Variants in CYP4F12 observed in about 807,000 individuals in gnomAD.
CYP4F12 encodes the protein cytochrome P450 family 4 subfamily F member 12.
CYP4F12 carries 60 observed loss-of-function variants against 56.5 expected under a neutral mutation model. The ratio of observed to expected loss-of-function variants is 1.06; its 90% CI spans 0.86 to 1.32. The LOEUF (loss-of-function observed/expected upper bound fraction) is 1.32, where lower values mean the gene tolerates loss of function less well. Among genes scored for constraint, CYP4F12 ranks in the 40% most tolerant of loss-of-function variants. The pLI is 0.00. For missense variants in CYP4F12, 711 were observed against 683.5 expected, an observed-to-expected ratio of 1.04 and a Z score of -0.45; for synonymous variants, 263 against 264.9, an observed-to-expected ratio of 0.99 and a Z score of 0.07.
Position 15,682,520 on chromosome 19 carries a change from T to C in CYP4F12, c.647+10T>C, listed in dbSNP as rs2007362612. 1.2e-6 allele frequency: 2 copies of C among 1,612,626 alleles called. No homozygotes were observed. Among genetic ancestry groups the C allele is most frequent in the East Asian group, 2.2e-5 (1 of 44,822 alleles). ...ACAGCCATTGTCAGGAGTGAGTTCC[T>C]TCCTAGGGCCTGGGATATGAATCCA... On this transcript the variant is annotated intron_variant, in intron 6 of 12. Coordinates refer to ENST00000550308, the MANE Select transcript of CYP4F12 (RefSeq NM_023944.4).
chr19:15,673,567 C>A lies in CYP4F12; in HGVS notation c.38C>A (p.Pro13Gln). 1 of 1,613,688 alleles carries A rather than the reference C, an allele frequency of 6.2e-7. No homozygotes were observed. The highest frequency in any genetic ancestry group is 8.5e-7 in the Non-Finnish European group (1 of 1,179,958). Residue 13 changes from proline to glutamine, a missense_variant, in exon 2 of 13, where the codon CCG (proline) becomes CAG (glutamine). Physicochemically the swap from Pro to Gln is moderately conservative, Grantham distance 76 (BLOSUM62 -1). Coordinates refer to ENST00000550308, the MANE Select transcript of CYP4F12 (RefSeq NM_023944.4). Reference protein sequence around the residue: ...LLSLPWLGLRPVATSPWLLLL... With the variant: ...LLSLPWLGLRQVATSPWLLLL... ...AGCCTGCCCTGGCTGGGCCTCAGACCGGTGGCAACGTCCCCATGGCTACTC... is the reference window on the plus strand; with the variant it reads ...AGCCTGCCCTGGCTGGGCCTCAGACAGGTGGCAACGTCCCCATGGCTACTC...
At position 15,682,338 on chromosome 19, in the gene CYP4F12, G is replaced by A. The variant is rs1463803746; in HGVS notation, c.526-51G>A. 3 of 1,603,034 alleles carry A rather than the reference G, an allele frequency of 1.9e-6. No homozygotes were observed. The South Asian group carries it at 3.3e-5, about 18-fold the overall frequency. On this transcript the variant is annotated intron_variant, in intron 5 of 12. Transcript: ENST00000550308. ...ATCCTGATGTTTGGGACTGGGGAGG[G>A]GCACAAAGGAGGCAGGGCCCAGCTC...
chr19:15,695,893 A>C (rs695149), intron 9 of CYP4F12, 43 bp from the exon 10 acceptor site: 391,892 of 1,586,832 alleles, frequency 0.25, 50,815 homozygotes, highest in African/African-American at 0.4. Flanking sequence ...AGAGTTGTGT[A>C]TTTGTTCCCT....
At position 15,685,636 on chromosome 19, in the gene CYP4F12, G is replaced by A. The variant is rs140008565; in HGVS notation, c.1115+439G>A. On this transcript the variant is annotated intron_variant, in intron 9 of 12. Coordinates refer to ENST00000550308, the MANE Select transcript of CYP4F12 (RefSeq NM_023944.4). The stretch of plus-strand genomic sequence containing the variant: ...GAGGCAGAACTTGGTATCCAACCTG[G>A]CTAGCAGGGGAAAGTTTTCAGACTT... Among the ~76,000 whole-genome samples the A allele has an allele frequency of 3.7e-3, 557 of 152,262 alleles. 2 individuals are homozygous for A. Among genetic ancestry groups the A allele is most frequent in the Middle Eastern group, 0.027 (8 of 294 alleles).
intron 7 of CYP4F12, chr19:15,683,968 T>C (rs747116410): frequency 1.8e-5 from 9 of 505,872 alleles, no homozygotes; most frequent in Admixed American, 3.8e-5. Flanking sequence ...AGGAGCATGA[T>C]ATTTTATTCA....
At chr19:15,677,031 CCTCA>C (rs2006976588) in intron 2 of CYP4F12, among the ~76,000 whole-genome samples, 1 of 149,664 alleles carries the variant, frequency 6.7e-6, no homozygotes, top group Non-Finnish European at 1.5e-5. Context: ...TCATTCCTCT[CCTCA>C]CTCACTCATT....
chr19:15,683,879 A>C, intron 7 of CYP4F12, 116 bp downstream of exon 7: 1 of 1,356,802 alleles, frequency 7.4e-7, no homozygotes, highest in Non-Finnish European at 9.8e-7. Flanking sequence ...GATGCTTGAG[A>C]AAGGGAAGGT....
At chr19:15,690,306 C>A (rs908367661) in intron 9 of CYP4F12, among the ~76,000 whole-genome samples, 1 of 152,032 alleles carries the variant, frequency 6.6e-6, no homozygotes, top group Non-Finnish European at 1.5e-5. Context: ...AATAAACATA[C>A]CCGTCATCTC....
intron 9 of CYP4F12, 118 bp downstream of exon 9, chr19:15,685,315 G>A: frequency 1.4e-6 from 2 of 1,456,238 alleles, no homozygotes; most frequent in Non-Finnish European, 9.2e-7. Flanking sequence ...GGGTATAAAA[G>A]CAGAGGACCA....
At position 15,696,018 on chromosome 19, in the gene CYP4F12, C is replaced by G; in HGVS notation, c.1198C>G (p.Arg400Gly). 1.2e-6 allele frequency: 2 copies of G among 1,613,992 alleles called. No individual in the cohort carries two copies. Among genetic ancestry groups the G allele is most frequent in the Non-Finnish European group, 1.7e-6 (2 of 1,179,950 alleles). ...ACATCCCCCAGCTCCCTTCATCTCC[C>G]GATGCTGCACCCAGGACATTGTTCT... is the stretch of plus-strand genomic sequence containing the variant. ...RLHPPAPFIS[R>G]CCTQDIVLPD... Residue 400 changes from arginine to glycine, a missense_variant, in exon 10 of 13, where the codon CGA becomes GGA. Transcript: ENST00000550308.
At chr19:15,695,681 T>C (rs1220859601) in intron 9 of CYP4F12, among the ~76,000 whole-genome samples, 2 of 152,180 alleles carry the variant, frequency 1.3e-5, no homozygotes, top group Non-Finnish European at 2.9e-5. Context: ...TTATGTGAGT[T>C]TGTTAATTTT....
rs199600076 is a variant in CYP4F12 at position 15,683,544 on chromosome 19, G to A, written c.699G>A (p.Glu233=). The A allele has an allele frequency of 1.7e-3, 2,680 of 1,613,408 alleles. 34 individuals carry two copies. In the African/African-American group the frequency reaches 0.031, roughly 19 times the overall value. The stretch of plus-strand genomic sequence containing the variant: ...TCTTGGAGCTCAGTGCCCTTGTAGA[G>A]AAAAGAAGCCAGCATATCCTCCAGC... ...ATILELSALV[E]KRSQHILQHM... is the part of the protein sequence containing the mutation. Residue 233 remains glutamate (E), a synonymous_variant, in exon 7 of 13, where the codon GAG becomes GAA. Coordinates refer to ENST00000550308, the MANE Select transcript of CYP4F12 (RefSeq NM_023944.4).
chr19:15,696,122 A>T (rs769169951), intron 10 of CYP4F12, 39 bp from the exon 11 acceptor site: 1 of 1,611,666 alleles, frequency 6.2e-7, no homozygotes, highest in East Asian at 2.2e-5. Flanking sequence ...TGGTTCCCTC[A>T]GGGGATCCTT....
chr19:15,695,563 G>C (rs943615375), intron 9 of CYP4F12, among the ~76,000 whole-genome samples: 4 of 151,030 alleles, frequency 2.6e-5, no homozygotes, highest in Non-Finnish European at 4.4e-5. Flanking sequence ...TGCACTTGCT[G>C]GTATCTCTAG....
chr19:15,673,371 G>T (rs2006720855), intron 1 of CYP4F12, 158 bp from the exon 2 acceptor site: 1 of 796,092 alleles, frequency 1.3e-6, no homozygotes, highest in South Asian at 1.8e-5. Context: ...GTTGGTTTTG[G>T]TTGGGACTTT....
chr19:15,690,321 A>G (rs1312675343), intron 9 of CYP4F12, among the ~76,000 whole-genome samples: 2 of 152,192 alleles, frequency 1.3e-5, no homozygotes, highest in Non-Finnish European at 2.9e-5. Flanking sequence ...CATCTCATAT[A>G]CTCATCATTT....
rs116266410 is a variant in CYP4F12, at chr19:15,680,341, G to A, written c.397+44G>A. 4.5e-3 allele frequency: 7,324 copies of A among 1,613,178 alleles called. 41 individuals carry two copies. The African/African-American group carries it at 0.085, about 19-fold the overall frequency. On this transcript the variant is annotated intron_variant, in intron 4 of 12. Transcript: ENST00000550308. ...AAGGGGTTGGGGACAACCTTGCGGG[G>A]AGGGTAGGGGAAGTGCTGCTCTTGC...
intron 6 of CYP4F12, among the ~76,000 whole-genome samples, chr19:15,682,788 A>C (rs911916727): frequency 2.6e-5 from 4 of 152,170 alleles, no homozygotes; most frequent in African/African-American, 9.7e-5. Context: ...AATCAGGAAA[A>C]GTGGTATGAA....
rs1200059809 is a variant in CYP4F12 at position 15,685,116 on chromosome 19, C to T, written c.1034C>T (p.Ala345Val). The change falls in exon 9 of 13, where the codon GCG becomes GTG. Residue 345 changes from alanine (A) to valine (V), a missense_variant. Ala to Val is a moderately conservative substitution (Grantham distance 64). Coordinates refer to ENST00000550308, the MANE Select transcript of CYP4F12 (RefSeq NM_023944.4). ...SGLSWVLYNL[A>V]RHPEYQERCR... ...CTCTCCTGGGTCCTGTACAACCTTGCGAGGCACCCAGAATACCAGGAGCGC... is the reference window on the plus strand; with the variant it reads ...CTCTCCTGGGTCCTGTACAACCTTGTGAGGCACCCAGAATACCAGGAGCGC... 6.2e-6 allele frequency: 10 copies of T among 1,614,022 alleles called. No homozygotes were observed. The highest frequency in any genetic ancestry group is 1.7e-5 in the Admixed American group (1 of 60,002).
Sources: gnomAD v4.1 joint callset for allele counts (sites outside exome capture counted in the v4.1 genomes callset) on GRCh38, gnomAD v4.1.1 for gene constraint, MANE v1.5 for transcripts, NCBI Gene and HGNC (gene_info 2026-07-23, HGNC 2026-07-21) for gene names.